The following CLYBL variants were observed in gnomAD, a reference collection of about 807,000 sequenced individuals.
CLYBL encodes the protein citramalyl-CoA lyase, mitochondrial.
Under a neutral mutation model 38.9 loss-of-function variants are expected in CLYBL, and 31 were observed. The ratio of observed to expected loss-of-function variants is 0.80; its 90% CI spans 0.60 to 1.08. The LOEUF (loss-of-function observed/expected upper bound fraction) is 1.08. Ranked by LOEUF, CLYBL falls within the 50% of genes least tolerant of loss-of-function variation. The pLI, the probability that CLYBL is intolerant of heterozygous loss-of-function variation, is 0.00. For missense variants in CLYBL, 434 were observed against 411.6 expected, an observed-to-expected ratio of 1.05 and a Z score of -0.47; for synonymous variants, 171 against 158.6, an observed-to-expected ratio of 1.08 and a Z score of -0.59.
At chr13:99,672,815 T>A (rs948308846) in intron 1 of CLYBL, among the ~76,000 whole-genome samples, 18 of 152,088 alleles carry the variant, frequency 1.2e-4, no homozygotes, top group Non-Finnish European at 2.6e-4. Context: ...ACCTCATTTT[T>A]CTCCACTGTT....
chr13:99,863,736 T>G (rs868700635), intron 4 of CLYBL, among the ~76,000 whole-genome samples: 2 of 152,328 alleles, frequency 1.3e-5, no homozygotes, highest in Middle Eastern at 6.8e-3. Context: ...GGCATTTATA[T>G]TATTTTCCAA....
chr13:99,882,163 T>A (rs1279323609), intron 7 of CLYBL, among the ~76,000 whole-genome samples: 2 of 152,194 alleles, frequency 1.3e-5, no homozygotes, highest in Non-Finnish European at 2.9e-5. Context: ...TTTATAATTA[T>A]CCCAAATACC....
intron 2 of CLYBL, among the ~76,000 whole-genome samples, chr13:99,829,189 C>T (rs2050756390): frequency 6.6e-6 from 1 of 152,186 alleles, no homozygotes; most frequent in South Asian, 2.1e-4. Context: ...TCACCCAAGG[C>T]TCCAGGTCAT....
intron 2 of CLYBL, among the ~76,000 whole-genome samples, chr13:99,795,271 T>C (rs931741810): frequency 6.6e-6 from 1 of 152,220 alleles, no homozygotes; most frequent in Non-Finnish European, 1.5e-5. Context: ...AAGTTAACAG[T>C]TGGGCCCTGA....
chr13:99,788,338 G>T (rs1386926418), intron 2 of CLYBL, among the ~76,000 whole-genome samples: 2 of 152,174 alleles, frequency 1.3e-5, no homozygotes, highest in East Asian at 3.8e-4. Flanking sequence ...CTGTGGATTT[G>T]TCATAAATAG....
intron 1 of CLYBL, among the ~76,000 whole-genome samples, chr13:99,725,643 A>G (rs553030141): frequency 1.3e-5 from 2 of 152,196 alleles, no homozygotes; most frequent in South Asian, 4.1e-4. Flanking sequence ...ACTGAGTCCC[A>G]TACCTGTTGT....
At chr13:99,624,581 C>T (rs1434543927) in intron 1 of CLYBL, among the ~76,000 whole-genome samples, 1 of 152,226 alleles carries the variant, frequency 6.6e-6, no homozygotes, top group African/African-American at 2.4e-5. Flanking sequence ...ATAAACGGCG[C>T]ATCTTCCGTA....
chr13:99,681,523 T>C (rs2047734109), intron 1 of CLYBL, among the ~76,000 whole-genome samples: 2 of 152,212 alleles, frequency 1.3e-5, no homozygotes, highest in African/African-American at 4.8e-5. Context: ...GGCAGAATGT[T>C]AGTGCTAACA....
At chr13:99,852,445 T>C (rs1346208734) in intron 2 of CLYBL, among the ~76,000 whole-genome samples, 7 of 152,168 alleles carry the variant, frequency 4.6e-5, no homozygotes, top group Non-Finnish European at 1.0e-4. Context: ...TACAACTCTA[T>C]GAATACACTA....
rs538954014 is a variant in CLYBL at position 99,842,935 on chromosome 13, A to G, written c.250-15926A>G. Among the ~76,000 whole-genome samples, 220 of 150,920 alleles carry G rather than the reference A, an allele frequency of 1.5e-3. 2 individuals carry two copies. Among genetic ancestry groups the G allele is most frequent in the African/African-American group, 5.1e-3 (213 of 41,440 alleles). On this transcript the variant is annotated intron_variant, in intron 2 of 8. Coordinates refer to ENST00000339105, the MANE Select transcript of CLYBL (RefSeq NM_206808.5). ...CCTATCCCTTTGCGGGGGGAAAAAA[A>G]GGCATTTTTTTTTAACCTAACATTT...
intron 7 of CLYBL, among the ~76,000 whole-genome samples, chr13:99,887,675 C>G (rs2052383774): frequency 6.6e-6 from 1 of 152,170 alleles, no homozygotes; most frequent in African/African-American, 2.4e-5. Flanking sequence ...ATGGCCTGAG[C>G]CTGGGAGGTC....
chr13:99,847,603 C>T (rs2051236475), intron 2 of CLYBL, among the ~76,000 whole-genome samples: 2 of 152,174 alleles, frequency 1.3e-5, no homozygotes, highest in Admixed American at 6.5e-5. Context: ...GGTCCACATG[C>T]TACCATACTG....
chr13:99,715,782 C>G (rs954983530), intron 1 of CLYBL, among the ~76,000 whole-genome samples: 1 of 152,086 alleles, frequency 6.6e-6, no homozygotes, highest in Non-Finnish European at 1.5e-5. Flanking sequence ...ATGCTTTTGG[C>G]TTGTCATGTT....
intron 3 of CLYBL, among the ~76,000 whole-genome samples, chr13:99,861,020 T>C (rs573122369): frequency 4.6e-5 from 7 of 152,204 alleles, no homozygotes; most frequent in African/African-American, 1.4e-4. Flanking sequence ...ATTGAAAGAA[T>C]CGCTGAGCCC....
At chr13:99,621,521 C>G (rs945058906) in intron 1 of CLYBL, among the ~76,000 whole-genome samples, 2 of 152,210 alleles carry the variant, frequency 1.3e-5, no homozygotes, top group African/African-American at 4.8e-5. Flanking sequence ...GATGCCTCCT[C>G]TCCTCTCCCA....
intron 1 of CLYBL, among the ~76,000 whole-genome samples, chr13:99,693,087 A>C (rs1335221243): frequency 6.6e-6 from 1 of 152,138 alleles, no homozygotes; most frequent in Non-Finnish European, 1.5e-5. Flanking sequence ...TATAGCTAGG[A>C]GTGGAATTGC....
chr13:99,767,442 A>G (rs2049291114), intron 1 of CLYBL, among the ~76,000 whole-genome samples: 1 of 152,202 alleles, frequency 6.6e-6, no homozygotes, highest in Admixed American at 6.5e-5. Flanking sequence ...CTTTGAGTTC[A>G]TCTTACTTGG....
intron 2 of CLYBL, among the ~76,000 whole-genome samples, chr13:99,831,708 C>A (rs892650564): frequency 6.6e-6 from 1 of 151,206 alleles, no homozygotes; most frequent in Non-Finnish European, 1.5e-5. Context: ...TTGAGTGAAC[C>A]ACCATTTTCT....
At chr13:99,803,484 T>C (rs2050173706) in intron 2 of CLYBL, among the ~76,000 whole-genome samples, 1 of 152,252 alleles carries the variant, frequency 6.6e-6, no homozygotes. Context: ...CAATGTATCC[T>C]AACTGAAAAG....
Sources: allele counts gnomAD v4.1 joint callset (sites outside exome capture counted in the v4.1 genomes callset), GRCh38; gene constraint gnomAD v4.1.1; transcripts MANE v1.5; gene names NCBI Gene and HGNC (gene_info 2026-07-23, HGNC 2026-07-21).